The following ABAT variants were observed in gnomAD, a reference collection of about 807,000 sequenced individuals.
The protein encoded by ABAT is 4-aminobutyrate aminotransferase.
Under a neutral mutation model 64.6 loss-of-function variants are expected in ABAT, and 45 were observed. The ratio of observed to expected loss-of-function variants is 0.70; its 90% CI spans 0.55 to 0.89. ABAT has a LOEUF of 0.89. Among genes scored for constraint, ABAT ranks in the 40% least tolerant of loss-of-function variants. The pLI is 0.00. For synonymous variants in ABAT, 297 were observed against 250.5 expected, an observed-to-expected ratio of 1.19 and a Z score of -1.75; for missense variants, 633 against 658.4, an observed-to-expected ratio of 0.96 and a Z score of 0.42.
intron 3 of ABAT, among the ~76,000 whole-genome samples, chr16:8,746,505 T>C (rs577866703): frequency 4.9e-4 from 74 of 151,962 alleles, no homozygotes; most frequent in Non-Finnish European, 8.8e-4. Context: ...GTGAGCCTCC[T>C]GAGTAGCTGG....
chr16:8,733,322 G>C (rs1169585319), intron 1 of ABAT, among the ~76,000 whole-genome samples: 5 of 151,438 alleles, frequency 3.3e-5, no homozygotes, highest in Admixed American at 2.6e-4. Flanking sequence ...ATGGCGGCCG[G>C]GCGGAGACGC....
At chr16:8,747,132 T>A (rs1038268463) in intron 3 of ABAT, among the ~76,000 whole-genome samples, 1 of 152,170 alleles carries the variant, frequency 6.6e-6, no homozygotes, top group Middle Eastern at 3.2e-3. Context: ...TGCCTCCTTC[T>A]GCTGGCCAAA....
chr16:8,745,303 A>G (rs994691556), intron 2 of ABAT, among the ~76,000 whole-genome samples: 4 of 152,198 alleles, frequency 2.6e-5, no homozygotes, highest in South Asian at 4.2e-4. Context: ...TAAATAGACA[A>G]TATATGATGA....
intron 1 of ABAT, among the ~76,000 whole-genome samples, chr16:8,727,391 A>G (rs147366310): frequency 6.6e-6 from 1 of 152,246 alleles, no homozygotes; most frequent in East Asian, 1.9e-4. Context: ...CCGTGTCATC[A>G]TACACCTCCG....
At chr16:8,707,123 C>T (rs1298332300) in intron 1 of ABAT, among the ~76,000 whole-genome samples, 1 of 152,130 alleles carries the variant, frequency 6.6e-6, no homozygotes, top group Non-Finnish European at 1.5e-5. Context: ...GGAGTGGAGG[C>T]TGGAAGATGA....
intron 9 of ABAT, among the ~76,000 whole-genome samples, chr16:8,767,434 G>A (rs538631420): frequency 6.6e-6 from 1 of 152,296 alleles, no homozygotes; most frequent in East Asian, 1.9e-4. Context: ...GCACCCATCA[G>A]CACCTGACCC....
chr16:8,779,490 C>T lies in ABAT; in HGVS notation c.1281C>T (p.Pro427=), dbSNP rs774103178. The change falls in exon 15 of 16, where the codon CCC becomes CCT. Residue 427 remains proline (P), a synonymous_variant. Coordinates refer to ENST00000268251, the MANE Select transcript of ABAT (RefSeq NM_020686.6). ...TGLLDLQARY[P]QFISRVRGRG... is the part of the protein sequence containing the mutation. The stretch of plus-strand genomic sequence containing the variant: ...TCCTCCCACTACAGGCCCGGTACCC[C>T]CAGTTCATCAGCAGGGTGAGAGGAC... 6.2e-7 allele frequency: 1 copy of T among 1,614,122 alleles called. No homozygotes were observed. Among genetic ancestry groups the T allele is most frequent in the Admixed American group, 1.7e-5 (1 of 60,022 alleles).
chr16:8,752,480 C>A (rs1249909315), intron 5 of ABAT, among the ~76,000 whole-genome samples: 2 of 152,144 alleles, frequency 1.3e-5, no homozygotes, highest in Non-Finnish European at 2.9e-5. Context: ...GAAGTTTGGT[C>A]GGGCACGGTG....
chr16:8,742,648 T>G (rs1161867268), intron 2 of ABAT, among the ~76,000 whole-genome samples: 1 of 152,016 alleles, frequency 6.6e-6, no homozygotes, highest in African/African-American at 2.4e-5. Context: ...GTGGATTGCC[T>G]GAGCTCAGGA....
intron 2 of ABAT, among the ~76,000 whole-genome samples, chr16:8,739,185 C>T (rs2059084865): frequency 6.6e-6 from 1 of 152,154 alleles, no homozygotes; most frequent in Non-Finnish European, 1.5e-5. Flanking sequence ...GAGCTCTAGC[C>T]TGGTGGCGCA....
chr16:8,722,933 C>G, intron 1 of ABAT: 1 of 1,180,648 alleles, frequency 8.5e-7, no homozygotes, highest in Non-Finnish European at 1.1e-6. Flanking sequence ...AGAGTCCGAA[C>G]GGGCCTTAGA....
At chr16:8,778,293 CA>C (rs2060325433) in intron 14 of ABAT, among the ~76,000 whole-genome samples, 1 of 152,158 alleles carries the variant, frequency 6.6e-6, no homozygotes, top group Non-Finnish European at 1.5e-5. Context: ...ATCAAGGTTT[CA>C]GCAGAGTTGG....
chr16:8,779,246 G>A (rs1291651375), intron 14 of ABAT, among the ~76,000 whole-genome samples: 1 of 152,006 alleles, frequency 6.6e-6, no homozygotes, highest in Admixed American at 6.6e-5. Flanking sequence ...CTTGGTTGTT[G>A]TTGCTGGTGG....
Position 8,772,802 on chromosome 16 carries a change from A to G in ABAT, c.839A>G (p.Tyr280Cys). ...LEEVEDLIVK[Y>C]RKKKKTVAGI... ...CAGGTGGAGGATCTGATTGTGAAAT[A>G]TCGGAAAAAGAAGAAGACGGTGGCC... Residue 280 changes from tyrosine to cysteine, a missense_variant, in exon 12 of 16, where the codon TAT becomes TGT. Physicochemically the swap from Tyr to Cys is radical, Grantham distance 194. Coordinates refer to ENST00000268251, the MANE Select transcript of ABAT (RefSeq NM_020686.6). 2 of 1,614,128 alleles carry G rather than the reference A, an allele frequency of 1.2e-6. No individual in the cohort carries two copies. The highest frequency in any genetic ancestry group is 1.7e-4 in the Middle Eastern group (1 of 6,058).
chr16:8,761,278 C>A (rs1405920947), intron 6 of ABAT, among the ~76,000 whole-genome samples: 1 of 151,438 alleles, frequency 6.6e-6, no homozygotes, highest in East Asian at 2.0e-4. Context: ...TTTCTGCCAG[C>A]AACCTCTCCC....
At chr16:8,729,714 T>C (rs2058662744) in intron 1 of ABAT, among the ~76,000 whole-genome samples, 1 of 151,670 alleles carries the variant, frequency 6.6e-6, no homozygotes, top group African/African-American at 2.4e-5. Flanking sequence ...TAGTCCCAGC[T>C]ACTTGGCAGG....
At chr16:8,772,328 C>G (rs1267529049) in intron 11 of ABAT, among the ~76,000 whole-genome samples, 1 of 146,556 alleles carries the variant, frequency 6.8e-6, no homozygotes, top group Non-Finnish European at 1.5e-5. Flanking sequence ...TTATTTCTCT[C>G]AATATACCCG....
At chr16:8,766,095 C>T (rs1428407062) in intron 8 of ABAT, 113 bp from the exon 9 acceptor site, 2 of 967,696 alleles carry the variant, frequency 2.1e-6, no homozygotes, top group Non-Finnish European at 1.6e-6. Flanking sequence ...ATGAGATCCA[C>T]TCCTGAGAAA....
At position 8,774,966 on chromosome 16, in the gene ABAT, G is replaced by A; in HGVS notation, c.1031G>A (p.Trp344Ter). 5 of 1,614,178 alleles carry A rather than the reference G, an allele frequency of 3.1e-6. No individual in the cohort carries two copies. Among genetic ancestry groups the A allele is most frequent in the Non-Finnish European group, 4.2e-6 (5 of 1,180,024 alleles). Residue 344 changes from tryptophan (W) to a stop codon, truncating the protein, a stop_gained, in exon 13 of 16, where the codon TGG becomes TAG. Coordinates refer to ENST00000268251, the MANE Select transcript of ABAT (RefSeq NM_020686.6). LOFTEE classifies it high-confidence loss of function. ...CTGKFWAHEH[W>*]GLDDPADVMT... ...GGCAAGTTCTGGGCCCATGAGCACT[G>A]GGGCCTGGATGACCCAGCAGACGTG...
Sources: gnomAD v4.1 joint callset for allele counts (sites outside exome capture counted in the v4.1 genomes callset) on GRCh38, gnomAD v4.1.1 for gene constraint, MANE v1.5 for transcripts, NCBI Gene and HGNC (gene_info 2026-07-23, HGNC 2026-07-21) for gene names.